RNF152: variants seen among roughly 807,000 people sequenced by gnomAD.
RNF152 encodes E3 ubiquitin-protein ligase RNF152.
Under a neutral mutation model 12.7 loss-of-function variants are expected in RNF152, and 11 were observed. The ratio of observed to expected loss-of-function variants is 0.86; its 90% confidence interval spans 0.54 to 1.43. The LOEUF is 1.43. Among genes scored for constraint, RNF152 ranks in the 40% most tolerant of loss-of-function variants. The pLI, the probability that RNF152 is intolerant of heterozygous loss-of-function variation, is 0.00. For synonymous variants in RNF152, 113 were observed against 120.3 expected (o/e 0.94, Z 0.40); for missense variants, 255 against 274.8 (o/e 0.93, Z 0.51).
chr18:61,854,035 T>C, intron 1 of RNF152, among the ~76,000 whole-genome samples: 1 of 152,236 alleles, frequency 6.6e-6, no homozygotes, highest in Non-Finnish European at 1.5e-5. Flanking sequence ...CACCTGGAAA[T>C]GAGCCAAGCT....
At chr18:61,834,783 C>T (rs1910106720) in intron 1 of RNF152, among the ~76,000 whole-genome samples, 1 of 152,146 alleles carries the variant, frequency 6.6e-6, no homozygotes, top group African/African-American at 2.4e-5. Flanking sequence ...TTTATGATAT[C>T]TCCTCGCAGA....
At chr18:61,828,233 G>A (rs1033432426) in intron 1 of RNF152, among the ~76,000 whole-genome samples, 4 of 141,008 alleles carry the variant, frequency 2.8e-5, no homozygotes, top group African/African-American at 4.9e-5. Context: ...TTGAGTTTGC[G>A]TTTTTTCTTC....
At chr18:61,866,918 G>C (rs1275551842) in intron 1 of RNF152, among the ~76,000 whole-genome samples, 3 of 152,220 alleles carry the variant, frequency 2.0e-5, no homozygotes. Context: ...AACAGACTTA[G>C]GGGCTTGTCC....
rs537300387 is a variant in RNF152, at chr18:61,876,428, T to C, written c.-136+16367A>G. 3.9e-5 allele frequency among the ~76,000 whole-genome samples: 6 copies of C among 152,206 alleles called. No homozygotes were observed. The East Asian group carries it at 9.6e-4, about 24-fold the overall frequency. On this transcript the variant is annotated intron_variant, in intron 1 of 1. Transcript: ENST00000312828. ...AAGATATAAGAGCATTAGCTGACAA[T>C]GAAGTTGAGAAAGTACACTCAGCCC...
At chr18:61,818,209 G>A (rs539384572) in intron 1 of RNF152, among the ~76,000 whole-genome samples, 19 of 152,294 alleles carry the variant, frequency 1.2e-4, no homozygotes, top group African/African-American at 4.3e-4. Flanking sequence ...AATCGTTTGA[G>A]CTCAGGAGTT....
chr18:61,850,099 A>G (rs1910903335), intron 1 of RNF152, among the ~76,000 whole-genome samples: 1 of 152,298 alleles, frequency 6.6e-6, no homozygotes, highest in African/African-American at 2.4e-5. Flanking sequence ...GATTCTACCT[A>G]AGGCAATAAT....
chr18:61,830,262 G>A (rs1909877834), intron 1 of RNF152, among the ~76,000 whole-genome samples: 1 of 152,058 alleles, frequency 6.6e-6, no homozygotes, highest in Non-Finnish European at 1.5e-5. Context: ...CTCACCTCAA[G>A]TGATCCACCC....
intron 1 of RNF152, among the ~76,000 whole-genome samples, chr18:61,828,422 T>C (rs903781196): frequency 6.6e-6 from 1 of 151,602 alleles, no homozygotes; most frequent in African/African-American, 2.4e-5. Flanking sequence ...CAGCTACTTT[T>C]CCAAAAAACA....
intron 1 of RNF152, among the ~76,000 whole-genome samples, chr18:61,862,447 G>A (rs140981445): frequency 6.6e-6 from 1 of 152,220 alleles, no homozygotes; most frequent in Non-Finnish European, 1.5e-5. Context: ...TTTCAAAAAG[G>A]TGGGAGGGAA....
intron 1 of RNF152, among the ~76,000 whole-genome samples, chr18:61,828,679 A>C (rs1909784466): frequency 6.6e-6 from 1 of 152,258 alleles, no homozygotes; most frequent in Admixed American, 6.5e-5. Flanking sequence ...TTTTAGAAAC[A>C]AAGTTTTTCA....
intron 1 of RNF152, among the ~76,000 whole-genome samples, chr18:61,847,115 C>G (rs1418129219): frequency 3.9e-5 from 6 of 152,062 alleles, no homozygotes; most frequent in Non-Finnish European, 7.4e-5. Context: ...TCTCACCTCA[C>G]CATTCAGAGC....
intron 1 of RNF152, among the ~76,000 whole-genome samples, chr18:61,884,081 G>A (rs138214848): frequency 6.6e-6 from 1 of 152,284 alleles, no homozygotes; most frequent in East Asian, 1.9e-4. Context: ...CCAATGATTG[G>A]TGGATGGTAG....
intron 1 of RNF152, among the ~76,000 whole-genome samples, chr18:61,872,338 T>A (rs1015505413): frequency 6.6e-6 from 1 of 152,100 alleles, no homozygotes; most frequent in Non-Finnish European, 1.5e-5. Context: ...CCAAACCACA[T>A]CAGGTAGCAA....
chr18:61,873,035 A>C (rs1409975544), intron 1 of RNF152, among the ~76,000 whole-genome samples: 1 of 152,176 alleles, frequency 6.6e-6, no homozygotes, highest in Non-Finnish European at 1.5e-5. Context: ...ACAACATATG[A>C]ATGCTTCTAC....
intron 1 of RNF152, among the ~76,000 whole-genome samples, chr18:61,872,949 A>G (rs1172358941): frequency 6.6e-6 from 1 of 152,158 alleles, no homozygotes; most frequent in Non-Finnish European, 1.5e-5. Context: ...TTTGTTTCTG[A>G]TAATAGCTTC....
chr18:61,854,615 T>G (rs1182946512), intron 1 of RNF152, among the ~76,000 whole-genome samples: 1 of 152,202 alleles, frequency 6.6e-6, no homozygotes, highest in Non-Finnish European at 1.5e-5. Flanking sequence ...GAACGAGGTA[T>G]TATTTAAGCT....
At chr18:61,889,304 T>C (rs2023896224) in intron 1 of RNF152, among the ~76,000 whole-genome samples, 1 of 152,202 alleles carries the variant, frequency 6.6e-6, no homozygotes, top group African/African-American at 2.4e-5. Flanking sequence ...TTTGCCAAGG[T>C]GATTACTGAA....
chr18:61,843,364 CA>C (rs1299011213), intron 1 of RNF152, among the ~76,000 whole-genome samples: 2 of 152,138 alleles, frequency 1.3e-5, no homozygotes, highest in African/African-American at 4.8e-5. Flanking sequence ...AAATCTATAG[CA>C]ATAACTGTTG....
intron 1 of RNF152, among the ~76,000 whole-genome samples, chr18:61,887,727 C>T (rs1394072950): frequency 6.7e-6 from 1 of 150,110 alleles, no homozygotes; most frequent in Non-Finnish European, 1.5e-5. Context: ...AAAAAGAATG[C>T]TCCCTATTTC....
Sources: gnomAD v4.1 joint callset for allele counts (sites outside exome capture counted in the v4.1 genomes callset) on GRCh38, gnomAD v4.1.1 for gene constraint, MANE v1.5 for transcripts, NCBI Gene and HGNC (gene_info 2026-07-23, HGNC 2026-07-21) for gene names.